The following NCOA2 variants were observed in gnomAD, a reference collection of about 807,000 sequenced individuals.
NCOA2 encodes the protein class E basic helix-loop-helix protein 75.
Under a neutral mutation model 145.1 loss-of-function variants are expected in NCOA2, and 21 were observed. That is an observed-to-expected ratio of 0.14 (90% CI 0.10 to 0.21). The LOEUF (loss-of-function observed/expected upper bound fraction) is 0.21, where lower values mean the gene tolerates loss of function less well. Among genes scored for constraint, NCOA2 ranks in the 10% least tolerant of loss-of-function variants. The probability of loss-of-function intolerance (pLI) is 1.00; values close to 1 mark genes in which losing one functional copy is unlikely to be tolerated. For missense variants in NCOA2, 1,472 were observed against 1,837.6 expected (o/e 0.80, Z 3.64); for synonymous variants, 619 against 637.5 (o/e 0.97, Z 0.44).
chr8:70,455,035 A>C, the NCOA2 span, among the ~76,000 whole-genome samples: 3,526 of 152,360 alleles, frequency 0.023, 161 homozygotes, highest in African/African-American at 0.081. Context: ...TGTGGCTCCA[A>C]GCCCAGGCTC....
At chr8:70,418,453 A>G in the NCOA2 span, among the ~76,000 whole-genome samples, 1 of 152,218 alleles carries the variant, frequency 6.6e-6, no homozygotes, top group Non-Finnish European at 1.5e-5. Context: ...GATACCAGTC[A>G]GCCTCCTTCC....
intron 4 of NCOA2, among the ~76,000 whole-genome samples, chr8:70,196,833 G>A (rs980475726): frequency 7.2e-5 from 11 of 152,192 alleles, no homozygotes; most frequent in Admixed American, 2.6e-4. Context: ...AATGGAATGC[G>A]GAGGTGAAAG....
intron 1 of NCOA2, among the ~76,000 whole-genome samples, chr8:70,364,390 T>C (rs1284113099): frequency 1.3e-5 from 2 of 152,220 alleles, no homozygotes; most frequent in Non-Finnish European, 2.9e-5. Flanking sequence ...TTTAGTCAAC[T>C]GTTTAATTTG....
At chr8:70,303,047 C>G (rs1586426504) in intron 1 of NCOA2, among the ~76,000 whole-genome samples, 1 of 152,256 alleles carries the variant, frequency 6.6e-6, no homozygotes, top group East Asian at 1.9e-4. Context: ...AAAACAGCAA[C>G]TCTGTAAAGA....
intron 2 of NCOA2, among the ~76,000 whole-genome samples, chr8:70,230,973 A>G (rs774732282): frequency 6.6e-6 from 1 of 152,210 alleles, no homozygotes; most frequent in Non-Finnish European, 1.5e-5. Context: ...TGAATATACC[A>G]TATTTAACCA....
chr8:70,319,490 C>T (rs181808610), intron 1 of NCOA2, among the ~76,000 whole-genome samples: 7 of 151,740 alleles, frequency 4.6e-5, no homozygotes, highest in Middle Eastern at 3.4e-3. Context: ...TACAGTGAGC[C>T]GTGATGACAC....
At chr8:70,267,430 C>CA (rs1294373038) in intron 2 of NCOA2, among the ~76,000 whole-genome samples, 7 of 143,122 alleles carry the variant, frequency 4.9e-5, no homozygotes, top group Non-Finnish European at 1.1e-4. Flanking sequence ...GATAGGGCCT[C>CA]GCTCTGTCAC....
At chr8:70,211,319 C>T (rs574993041) in intron 4 of NCOA2, among the ~76,000 whole-genome samples, 24 of 151,932 alleles carry the variant, frequency 1.6e-4, no homozygotes, top group African/African-American at 4.8e-4. Context: ...ATTAGCTGGA[C>T]GTGGTGGCGC....
intron 5 of NCOA2, among the ~76,000 whole-genome samples, chr8:70,173,260 T>C (rs1563567366): frequency 6.6e-6 from 1 of 152,224 alleles, no homozygotes; most frequent in Non-Finnish European, 1.5e-5. Context: ...AGCTCTGTTA[T>C]TCCCAGCATT....
the NCOA2 span, among the ~76,000 whole-genome samples, chr8:70,451,217 C>CAAAAAAAA: frequency 4.6e-5 from 3 of 65,346 alleles, no homozygotes; most frequent in African/African-American, 7.2e-5. Context: ...GACTCCGTCT[C>CAAAAAAAA]AAAAAAAAAA....
intron 2 of NCOA2, among the ~76,000 whole-genome samples, chr8:70,289,440 C>T (rs565983694): frequency 3.0e-4 from 45 of 152,312 alleles, no homozygotes; most frequent in African/African-American, 1.1e-3. Flanking sequence ...TTTCCCCATT[C>T]ATCCTTCCAC....
At chr8:70,123,541 G>A (rs1808062932) in intron 21 of NCOA2, among the ~76,000 whole-genome samples, 1 of 148,570 alleles carries the variant, frequency 6.7e-6, no homozygotes, top group Non-Finnish European at 1.5e-5. Flanking sequence ...CCCCCCAAAC[G>A]ATAACCCCCA....
In NCOA2 at chr8:70,141,367, T is replaced by A. The variant is rs780048894; in HGVS notation, c.2845A>T (p.Met949Leu). 6.2e-7 allele frequency: 1 copy of A among 1,613,896 alleles called. No individual in the cohort carries two copies. Among genetic ancestry groups the A allele is most frequent in the East Asian group, 2.2e-5 (1 of 44,862 alleles). ...TGCGGTGCCCATTCTCCAGATGGCA[T>A]AGTAGGCCGAGAAGCACTGTTACCA... ...MIGNSASRPT[M>L]PSGEWAPQSS... is the part of the protein sequence containing the mutation. The change falls in exon 14 of 23, where the codon ATG becomes TTG. Residue 949 changes from methionine (M) to leucine (L), a missense_variant. Physicochemically the swap from Met to Leu is conservative, Grantham distance 15. Transcript: ENST00000452400.
intron 1 of NCOA2, among the ~76,000 whole-genome samples, chr8:70,312,678 A>G (rs762403813): frequency 1.9e-4 from 29 of 152,188 alleles, no homozygotes; most frequent in Non-Finnish European, 3.5e-4. Flanking sequence ...CCACATTTTC[A>G]TCTTTTCTGA....
In NCOA2 at chr8:70,270,085, G is replaced by A. The variant is rs143455751; in HGVS notation, c.-20+26659C>T. Among the ~76,000 whole-genome samples the A allele has an allele frequency of 2.1e-3, 315 of 152,172 alleles. 6 individuals are homozygous for A. The highest frequency in any genetic ancestry group is 0.018 in the Admixed American group (270 of 15,286). On this transcript the variant is annotated intron_variant, in intron 2 of 22. Coordinates refer to ENST00000452400, the MANE Select transcript of NCOA2 (RefSeq NM_006540.4). ...TAGTCCCAGCTACTGGGGAGGCTGCGGTGGGAGAATCACTTGAGCCAGGGA... is the reference window on the plus strand; with the variant it reads ...TAGTCCCAGCTACTGGGGAGGCTGCAGTGGGAGAATCACTTGAGCCAGGGA...
At chr8:70,193,551 T>C (rs767218996) in intron 4 of NCOA2, among the ~76,000 whole-genome samples, 33 of 152,082 alleles carry the variant, frequency 2.2e-4, no homozygotes, top group Non-Finnish European at 2.5e-4. Context: ...AAATGTACTA[T>C]GTGTAATTTT....
intron 19 of NCOA2, 93 bp from the exon 20 acceptor site, chr8:70,124,958 T>C (rs1341809596): frequency 2.6e-6 from 3 of 1,152,428 alleles, no homozygotes; most frequent in Non-Finnish European, 3.6e-6. Flanking sequence ...AAATTAGGCA[T>C]GCATAAAAAA....
chr8:70,434,500 C>A, the NCOA2 span, among the ~76,000 whole-genome samples: 4 of 152,148 alleles, frequency 2.6e-5, no homozygotes, highest in Admixed American at 2.0e-4. Context: ...GCTTGAGAGG[C>A]ATTATTAAAT....
chr8:70,344,866 A>G (rs928930041), intron 1 of NCOA2, among the ~76,000 whole-genome samples: 7 of 152,178 alleles, frequency 4.6e-5, no homozygotes, highest in African/African-American at 1.7e-4. Context: ...AAGTGTCTCA[A>G]GAAGACAATT....
Sources: allele counts gnomAD v4.1 joint callset (sites outside exome capture counted in the v4.1 genomes callset), GRCh38; gene constraint gnomAD v4.1.1; transcripts MANE v1.5; gene names NCBI Gene and HGNC (gene_info 2026-07-23, HGNC 2026-07-21).